Variants in FAM178B observed in about 807,000 individuals in gnomAD.
FAM178B encodes family with sequence similarity 178 member B.
Under a neutral mutation model 91.7 loss-of-function variants are expected in FAM178B, and 82 were observed. That is an observed-to-expected ratio of 0.89 (90% CI 0.75 to 1.07). FAM178B has a LOEUF of 1.07. Among genes scored for constraint, FAM178B ranks in the 50% least tolerant of loss-of-function variants. The pLI is 0.00. For synonymous variants in FAM178B, 368 were observed against 359.4 expected, an observed-to-expected ratio of 1.02 and a Z score of -0.27; for missense variants, 769 against 846.7, an observed-to-expected ratio of 0.91 and a Z score of 1.14.
rs1185968910 is a variant in FAM178B, at chr2:96,971,044, G to GAGACAGCAAACAACACCA, written c.565-285_565-268dup. On this transcript the variant is annotated intron_variant, in intron 3 of 16. Coordinates refer to ENST00000490605, the MANE Select transcript of FAM178B (RefSeq NM_001122646.3). ...TGTGCTTTCAGAGACACTTCACACAGAGACAGCAAACAACACCACATCACA... is the reference window on the plus strand; with the variant it reads ...TGTGCTTTCAGAGACACTTCACACAGAGACAGCAAACAACACCAAGACAGCAAACAACACCACATCACA... Among the ~76,000 whole-genome samples the GAGACAGCAAACAACACCA allele has an allele frequency of 2.1e-4, 32 of 151,752 alleles. No individual in the cohort carries two copies. The East Asian group carries it at 4.9e-3, about 23-fold the overall frequency.
chr2:96,891,294 T>C (rs2080672694), intron 14 of FAM178B, among the ~76,000 whole-genome samples: 1 of 152,206 alleles, frequency 6.6e-6, no homozygotes, highest in Non-Finnish European at 1.5e-5. Context: ...CAGGTAATAC[T>C]TCTTTAGTCC....
At chr2:96,877,641 C>T (rs560678600) in intron 16 of FAM178B, 43 of 484,708 alleles carry the variant, frequency 8.9e-5, no homozygotes, top group Middle Eastern at 5.7e-4. Context: ...GTGATCCGCC[C>T]GCCTCAGTCT....
chr2:96,912,504 A>G (rs2081175569), intron 12 of FAM178B, among the ~76,000 whole-genome samples: 2 of 151,896 alleles, frequency 1.3e-5, no homozygotes, highest in South Asian at 4.2e-4. Flanking sequence ...GGCCCTGGGA[A>G]GCCCAGGGAA....
chr2:96,936,981 G>A (rs527305042), intron 8 of FAM178B, among the ~76,000 whole-genome samples: 1 of 152,040 alleles, frequency 6.6e-6, no homozygotes, highest in African/African-American at 2.4e-5. Flanking sequence ...CAACCTCCTG[G>A]GCTCAAGCTA....
intron 5 of FAM178B, 97 bp from the exon 6 acceptor site, chr2:96,960,537 G>A (rs2082065306): frequency 1.8e-5 from 25 of 1,361,098 alleles, no homozygotes; most frequent in Non-Finnish European, 2.3e-5. Flanking sequence ...GGGGCCACGG[G>A]CTCCCTGCCT....
In FAM178B at chr2:96,986,236, C is replaced by G; in HGVS notation, c.73+5G>C. 6.5e-7 allele frequency: 1 copy of G among 1,534,666 alleles called. No homozygotes were observed. The highest frequency in any genetic ancestry group is 2.0e-4 in the Middle Eastern group (1 of 5,094). On this transcript the variant is annotated splice_donor_5th_base_variant and intron_variant, in intron 1 of 16. Coordinates refer to ENST00000490605, the MANE Select transcript of FAM178B (RefSeq NM_001122646.3). ...CCTGCGGTTCCTCGGCCTCAGTTTCCTTACCTGTAAAATGGAGCCGCTGAT... is the reference window on the plus strand; with the variant it reads ...CCTGCGGTTCCTCGGCCTCAGTTTCGTTACCTGTAAAATGGAGCCGCTGAT...
chr2:96,937,266 T>C (rs1281218694), intron 8 of FAM178B, among the ~76,000 whole-genome samples: 2 of 137,734 alleles, frequency 1.5e-5, no homozygotes, highest in African/African-American at 6.3e-5. Context: ...CCCCCAGCAA[T>C]TGTGGTTTAA....
At chr2:96,895,126 C>T in intron 13 of FAM178B, 7 of 1,289,194 alleles carry the variant, frequency 5.4e-6, no homozygotes, top group Non-Finnish European at 7.1e-6. Context: ...CCTTCCACTC[C>T]CCTTCCCGCT....
chr2:96,923,474 A>G lies in FAM178B; in HGVS notation c.1287+16T>C. ...AAGCCGAGAGTGCCCTGCATGAGGC[A>G]GGCGGCTTGACTCACCTTGTAGATG... On this transcript the variant is annotated intron_variant, in intron 10 of 16. Transcript: ENST00000490605. The G allele has an allele frequency of 6.5e-7, 1 of 1,544,036 alleles. No homozygotes were observed. Among genetic ancestry groups the G allele is most frequent in the South Asian group, 1.2e-5 (1 of 83,914 alleles).
At chr2:96,891,499 A>C (rs2080678878) in intron 14 of FAM178B, among the ~76,000 whole-genome samples, 1 of 152,318 alleles carries the variant, frequency 6.6e-6, no homozygotes, top group South Asian at 2.1e-4. Context: ...AGAGAAGGAC[A>C]AAGGAATTAA....
At chr2:96,940,405 G>A (rs1039267162) in intron 8 of FAM178B, among the ~76,000 whole-genome samples, 1 of 152,196 alleles carries the variant, frequency 6.6e-6, no homozygotes, top group Non-Finnish European at 1.5e-5. Context: ...AGGCTGTCCT[G>A]CAAACCACAA....
rs1178113601 is a variant in FAM178B, at chr2:96,921,204, G to A, written c.1523C>T (p.Ala508Val). Residue 508 changes from alanine (A) to valine (V), a missense_variant, in exon 12 of 17, where the codon GCC becomes GTC. Ala to Val is a moderately conservative substitution (Grantham distance 64, BLOSUM62 0). Transcript: ENST00000490605. ...CATGTCTGGGAAGAACTGCACGAGG[G>A]CCAGCAGGTTGTGGTGGTGGTCAGA... ...WVSDHHHNLL[A>V]LVQFFPDMTS... is the part of the protein sequence containing the mutation. The A allele has an allele frequency of 1.9e-6, 3 of 1,551,438 alleles. No homozygotes were observed. The highest frequency in any genetic ancestry group is 2.4e-5 in the South Asian group (2 of 84,054).
intron 14 of FAM178B, among the ~76,000 whole-genome samples, chr2:96,878,742 G>T (rs2080307819): frequency 6.6e-6 from 1 of 152,324 alleles, no homozygotes; most frequent in East Asian, 1.9e-4. Context: ...CTGATGAAGG[G>T]CCAACCTCCC....
chr2:96,878,053 G>C lies in FAM178B; in HGVS notation c.1855-11C>G. ...CAGCTGCAGCTCGCCCTGTGGAGGC[G>C]GAGGGAGGCCAAGAAGCGGGTGTAG... On this transcript the variant is annotated splice_polypyrimidine_tract_variant and intron_variant, in intron 15 of 16. Coordinates refer to ENST00000490605, the MANE Select transcript of FAM178B (RefSeq NM_001122646.3). 1 of 1,605,940 alleles carries C rather than the reference G, an allele frequency of 6.2e-7. No homozygotes were observed. The highest frequency in any genetic ancestry group is 8.5e-7 in the Non-Finnish European group (1 of 1,179,896).
In FAM178B at chr2:96,880,744, G is replaced by A. The variant is rs372596632; in HGVS notation, c.1777-2251C>T. Among the ~76,000 whole-genome samples, 188 of 152,302 alleles carry A rather than the reference G, an allele frequency of 1.2e-3. 1 individual carries two copies. Among genetic ancestry groups the A allele is most frequent in the African/African-American group, 4.3e-3 (179 of 41,568 alleles). ...GGAATAGCTGGGACTACAGGCGCCCGCCACCGTGCCCGGAGAATTTTTTGT... is the reference window on the plus strand; with the variant it reads ...GGAATAGCTGGGACTACAGGCGCCCACCACCGTGCCCGGAGAATTTTTTGT... On this transcript the variant is annotated intron_variant, in intron 14 of 16. Coordinates refer to ENST00000490605, the MANE Select transcript of FAM178B (RefSeq NM_001122646.3).
At position 96,921,471 on chromosome 2, in the gene FAM178B, C is replaced by G. The variant is rs1295708107; in HGVS notation, c.1464+7G>C. 1 of 1,551,682 alleles carries G rather than the reference C, an allele frequency of 6.4e-7. No homozygotes were observed. The highest frequency in any genetic ancestry group is 2.0e-5 in the Admixed American group (1 of 51,010). ...TGTATGAGGACCAGGCTCTGGGCGT[C>G]TAGTACCTTCCCTGGCCACTCCCGG... On this transcript the variant is annotated splice_region_variant and intron_variant, in intron 11 of 16. Coordinates refer to ENST00000490605, the MANE Select transcript of FAM178B (RefSeq NM_001122646.3).
chr2:96,959,212 A>G (rs1322262463), intron 6 of FAM178B, among the ~76,000 whole-genome samples: 1 of 95,208 alleles, frequency 1.1e-5, no homozygotes, highest in African/African-American at 1.0e-4. Flanking sequence ...AAAAAAAAAA[A>G]AAAAAAAAAA....
At chr2:96,909,142 CA>C (rs368745154) in intron 12 of FAM178B, among the ~76,000 whole-genome samples, 501 of 77,420 alleles carry the variant, frequency 6.5e-3, no homozygotes, top group Middle Eastern at 0.022. Context: ...GACTCTGTCT[CA>C]AAAAAAAAAA....
chr2:96,981,740 C>CAAAAAA (rs377081384), intron 1 of FAM178B, among the ~76,000 whole-genome samples: 792 of 18,546 alleles, frequency 0.043, 11 homozygotes, highest in African/African-American at 0.1. Context: ...GACTCCGTCT[C>CAAAAAA]AAAAAAAAAA....
Sources: allele counts gnomAD v4.1 joint callset (sites outside exome capture counted in the v4.1 genomes callset), GRCh38; gene constraint gnomAD v4.1.1; transcripts MANE v1.5; gene names NCBI Gene and HGNC (gene_info 2026-07-23, HGNC 2026-07-21).